SVEP1: variants seen among roughly 807,000 people sequenced by gnomAD.
SVEP1 encodes the protein sushi, von Willebrand factor type A, EGF and pentraxin domain containing 1.
Under a neutral mutation model 367.3 loss-of-function variants are expected in SVEP1, and 164 were observed. The ratio of observed to expected loss-of-function variants is 0.45; its 90% CI spans 0.39 to 0.51. The LOEUF is 0.51. SVEP1 is among the 20% of genes least tolerant of loss of function. The pLI is 0.00. For synonymous variants in SVEP1, 1,666 were observed against 1,611.6 expected (o/e 1.03, Z -0.81); for missense variants, 4,117 against 4,425.3 (o/e 0.93, Z 1.98).
At chr9:110,430,823 T>G (rs750447978) in intron 32 of SVEP1, among the ~76,000 whole-genome samples, 1 of 152,216 alleles carries the variant, frequency 6.6e-6, no homozygotes, top group Admixed American at 6.5e-5. Context: ...GGTGTCAGGC[T>G]GATGGAAAGG....
chr9:110,546,379 G>T lies in SVEP1; in HGVS notation c.788-88C>A, dbSNP rs187219205. The stretch of plus-strand genomic sequence containing the variant: ...GTCATTAAAATTTAAGTGCAAGCTG[G>T]AGAAAATATCTTTCCATATCCCTCT... On this transcript the variant is annotated intron_variant, in intron 2 of 47. Transcript: ENST00000374469. The T allele has an allele frequency of 1.0e-3, 1,464 of 1,396,522 alleles. 7 individuals carry two copies. The highest frequency in any genetic ancestry group is 8.5e-3 in the Middle Eastern group (46 of 5,440). 86.5% of individuals were successfully genotyped at this position (1,396,522 alleles called of 1,614,324 possible).
chr9:110,390,077 ACGT>A (rs1827611280), intron 40 of SVEP1, among the ~76,000 whole-genome samples: 2 of 123,720 alleles, frequency 1.6e-5, no homozygotes, highest in African/African-American at 5.7e-5. Context: ...ATATATATAT[ACGT>A]GTATATATAC....
In SVEP1 at chr9:110,429,222, T is replaced by C. The variant is rs947751709; in HGVS notation, c.5728A>G (p.Asn1910Asp). The C allele has an allele frequency of 5.6e-6, 9 of 1,596,344 alleles. No homozygotes were observed. The highest frequency in any genetic ancestry group is 6.8e-6 in the Non-Finnish European group (8 of 1,170,794). ...CEPVKCSSPE[N>D]INNGKYILSG... Reference sequence around the variant, plus strand: ...AAAATATATTTTCCATTATTTATATTTTCCGGACTAGAACACTTCACTGGT... The same window carrying C: ...AAAATATATTTTCCATTATTTATATCTTCCGGACTAGAACACTTCACTGGT... Residue 1910 changes from asparagine to aspartate, a missense_variant, in exon 35 of 48, where the codon AAT becomes GAT. Asn to Asp is a conservative substitution (Grantham distance 23). This residue lies in a region of SVEP1 where 2,174 missense variants were observed against 2,494.3 expected (regional missense o/e 0.87). Transcript: ENST00000374469.
At chr9:110,519,756 A>C (rs1346920090) in intron 3 of SVEP1, among the ~76,000 whole-genome samples, 9 of 152,192 alleles carry the variant, frequency 5.9e-5, no homozygotes, top group Non-Finnish European at 1.0e-4. Flanking sequence ...TAGTAAAGTC[A>C]GGAAGACTAA....
chr9:110,379,347 C>T lies in SVEP1; in HGVS notation c.10408G>A (p.Ala3470Thr), dbSNP rs1564123377. ...GTWTSPPICRAVCRFPCQNGG... is the reference protein window; with the variant it reads ...GTWTSPPICRTVCRFPCQNGG... ...AATAACCATTCAAATATTTCCTTAC[C>T]TCTGCAAATAGGAGGTGATGTCCAT... Residue 3470 changes from alanine to threonine, a missense_variant and splice_region_variant, in exon 44 of 48, where the codon GCT becomes ACT. Ala to Thr is a moderately conservative substitution (Grantham distance 58, BLOSUM62 0). Coordinates refer to ENST00000374469, the MANE Select transcript of SVEP1 (RefSeq NM_153366.4). 2 of 1,613,146 alleles carry T rather than the reference C, an allele frequency of 1.2e-6. No individual in the cohort carries two copies. Among genetic ancestry groups the T allele is most frequent in the South Asian group, 2.2e-5 (2 of 90,910 alleles).
At chr9:110,403,312 T>G (rs948491641) in intron 39 of SVEP1, among the ~76,000 whole-genome samples, 7 of 135,122 alleles carry the variant, frequency 5.2e-5, no homozygotes, top group Admixed American at 3.8e-4. Flanking sequence ...TTTTTTTTTT[T>G]TTTTTTTTTT....
intron 39 of SVEP1, among the ~76,000 whole-genome samples, 180 bp from the exon 40 acceptor site, chr9:110,401,189 A>G (rs1293596798): frequency 1.3e-5 from 2 of 152,228 alleles, no homozygotes; most frequent in South Asian, 2.1e-4. Context: ...TTTAATTATT[A>G]GATGGTCTTA....
At chr9:110,378,950 C>T (rs1382546189) in intron 44 of SVEP1, among the ~76,000 whole-genome samples, 1 of 151,368 alleles carries the variant, frequency 6.6e-6, no homozygotes, top group East Asian at 1.9e-4. Context: ...TTGTGGTCAA[C>T]TCATCCAACA....
At chr9:110,418,791 A>G (rs900615069) in intron 36 of SVEP1, among the ~76,000 whole-genome samples, 2 of 103,082 alleles carry the variant, frequency 1.9e-5, no homozygotes, top group African/African-American at 6.9e-5. Context: ...TACAAGCCAG[A>G]AGAGAGTGGG....
intron 40 of SVEP1, among the ~76,000 whole-genome samples, chr9:110,398,594 C>G (rs1372028793): frequency 6.6e-6 from 1 of 152,180 alleles, no homozygotes; most frequent in African/African-American, 2.4e-5. Context: ...GCCTACTCAT[C>G]TGACAAAGGG....
intron 40 of SVEP1, among the ~76,000 whole-genome samples, chr9:110,400,620 G>A (rs1564131286): frequency 6.6e-6 from 1 of 152,112 alleles, no homozygotes; most frequent in Non-Finnish European, 1.5e-5. Context: ...GCCCACCTCG[G>A]CCTCCCAAAG....
At chr9:110,546,055 A>T (rs1328257530) in intron 3 of SVEP1, 60 bp downstream of exon 3, 1 of 1,530,340 alleles carries the variant, frequency 6.5e-7, no homozygotes, top group African/African-American at 1.4e-5. Flanking sequence ...TAGCCATTGC[A>T]TTTTAGAATC....
intron 41 of SVEP1, among the ~76,000 whole-genome samples, chr9:110,388,130 A>T (rs1356920490): frequency 6.6e-6 from 1 of 152,190 alleles, no homozygotes; most frequent in Non-Finnish European, 1.5e-5. Flanking sequence ...ATATAAAATT[A>T]TCAGAAGGTA....
At chr9:110,518,030 ATGAGAGAATTATCAGGCT>A (rs1275322730) in intron 3 of SVEP1, among the ~76,000 whole-genome samples, 1 of 152,204 alleles carries the variant, frequency 6.6e-6, no homozygotes, top group Admixed American at 6.5e-5. Context: ...GTATGTATTC[ATGAGAGAATTATCAGGCT>A]TTCAGGTTTG....
chr9:110,389,315 T>C (rs1225109613), intron 41 of SVEP1, among the ~76,000 whole-genome samples: 1 of 152,174 alleles, frequency 6.6e-6, no homozygotes, highest in Non-Finnish European at 1.5e-5. Flanking sequence ...TTGTGTCCTA[T>C]TGCAGTTAAT....
In SVEP1 at chr9:110,451,379, T is replaced by A. The variant is rs757281141; in HGVS notation, c.3811A>T (p.Asn1271Tyr). 1 of 1,613,502 alleles carries A rather than the reference T, an allele frequency of 6.2e-7. No homozygotes were observed. The highest frequency in any genetic ancestry group is 2.2e-5 in the East Asian group (1 of 44,852). ...YTGQRCEENI[N>Y]ECSSSPCLNK... ...AAACAAGGACTGGAGCTACACTCAT[T>A]TATATTTTCTTCACACCGCTGACCT... is the stretch of plus-strand genomic sequence containing the variant. Residue 1271 changes from asparagine to tyrosine, a missense_variant, in exon 23 of 48, where the codon AAT becomes TAT. This residue lies in a region of SVEP1 where 2,174 missense variants were observed against 2,494.3 expected (regional missense o/e 0.87). Transcript: ENST00000374469.
intron 3 of SVEP1, among the ~76,000 whole-genome samples, chr9:110,540,803 C>T (rs2118833851): frequency 6.6e-6 from 1 of 152,282 alleles, no homozygotes; most frequent in African/African-American, 2.4e-5. Flanking sequence ...TGGAACAGAT[C>T]TACAATTATT....
At chr9:110,489,491 T>C (rs1829333714) in intron 9 of SVEP1, among the ~76,000 whole-genome samples, 159 bp downstream of exon 9, 1 of 152,152 alleles carries the variant, frequency 6.6e-6, no homozygotes, top group South Asian at 2.1e-4. Flanking sequence ...CCATCAGATC[T>C]TCTGAGACTT....
chr9:110,464,936 A>G (rs1401234588), intron 18 of SVEP1, among the ~76,000 whole-genome samples: 1 of 152,146 alleles, frequency 6.6e-6, no homozygotes, highest in Non-Finnish European at 1.5e-5. Flanking sequence ...TTTCATTGTC[A>G]TTCTAAGTTT....
Sources: gnomAD v4.1 joint callset for allele counts (sites outside exome capture counted in the v4.1 genomes callset) on GRCh38, gnomAD v4.1.1 for gene constraint, gnomAD v4.1.1 regional missense constraint, MANE v1.5 for transcripts, NCBI Gene and HGNC (gene_info 2026-07-23, HGNC 2026-07-21) for gene names.